Variants in RARB observed in about 807,000 individuals in gnomAD.
RARB encodes the protein HBV-activated protein.
Under a neutral mutation model 51.9 loss-of-function variants are expected in RARB, and 17 were observed. The observed-to-expected ratio is 0.33, with a 90% confidence interval of 0.22 to 0.49. RARB has a LOEUF of 0.49. Among genes scored for constraint, RARB ranks in the 20% least tolerant of loss-of-function variants. The pLI is 0.99. For synonymous variants in RARB, 215 were observed against 195.4 expected, an observed-to-expected ratio of 1.10 and a Z score of -0.84; for missense variants, 369 against 550.8, an observed-to-expected ratio of 0.67 and a Z score of 3.30.
intron 5 of RARB, among the ~76,000 whole-genome samples, chr3:25,381,519 C>T (rs992396227): frequency 2.0e-5 from 3 of 152,178 alleles, no homozygotes; most frequent in Non-Finnish European, 4.4e-5. Flanking sequence ...TATTTAAGCA[C>T]TTAGAACAGT....
intron 5 of RARB, among the ~76,000 whole-genome samples, chr3:25,360,515 T>G (rs1188887999): frequency 1.3e-5 from 2 of 152,218 alleles, no homozygotes; most frequent in Non-Finnish European, 2.9e-5. Context: ...GATCCTGTAA[T>G]TATGATGCCA....
At chr3:25,203,762 C>T (rs1003555854) in intron 5 of RARB, among the ~76,000 whole-genome samples, 5 of 152,300 alleles carry the variant, frequency 3.3e-5, no homozygotes, top group East Asian at 1.9e-4. Context: ...TATTGGCCCC[C>T]ACTCTCTTCT....
At chr3:25,541,392 T>G (rs1286384710) in intron 3 of RARB, among the ~76,000 whole-genome samples, 1 of 152,204 alleles carries the variant, frequency 6.6e-6, no homozygotes, top group Non-Finnish European at 1.5e-5. Flanking sequence ...ACCTTTACTC[T>G]CCTGTAATCA....
chr3:25,312,956 C>G (rs145081354), intron 5 of RARB, among the ~76,000 whole-genome samples: 3 of 152,332 alleles, frequency 2.0e-5, no homozygotes, highest in Admixed American at 6.5e-5. Flanking sequence ...CTGTATCACA[C>G]CCTGGATTCT....
At chr3:25,255,079 C>G (rs975887544) in intron 5 of RARB, among the ~76,000 whole-genome samples, 2 of 152,142 alleles carry the variant, frequency 1.3e-5, no homozygotes, top group African/African-American at 4.8e-5. Flanking sequence ...GGCTTACTGA[C>G]CAGTTTAAAT....
chr3:25,313,818 C>G (rs1295952099), intron 5 of RARB, among the ~76,000 whole-genome samples: 1 of 152,096 alleles, frequency 6.6e-6, no homozygotes, highest in Non-Finnish European at 1.5e-5. Context: ...ACCTCTAATT[C>G]TAGCACTTTG....
intron 5 of RARB, among the ~76,000 whole-genome samples, chr3:25,592,985 C>T (rs1288197579): frequency 6.6e-6 from 1 of 152,152 alleles, no homozygotes; most frequent in Non-Finnish European, 1.5e-5. Context: ...ACATTGGGCA[C>T]ATCACCTAAC....
intron 5 of RARB, among the ~76,000 whole-genome samples, chr3:25,198,379 C>G (rs1701299214): frequency 6.6e-6 from 1 of 151,774 alleles, no homozygotes; most frequent in African/African-American, 2.4e-5. Context: ...ATATCTTGAG[C>G]AATACCCTAC....
At chr3:25,244,968 G>A (rs1041548884) in intron 5 of RARB, among the ~76,000 whole-genome samples, 1 of 151,872 alleles carries the variant, frequency 6.6e-6, no homozygotes, top group South Asian at 2.1e-4. Flanking sequence ...CTAAGAACTT[G>A]CTTTATGAAT....
chr3:25,471,547 G>A (rs543595205), intron 2 of RARB, among the ~76,000 whole-genome samples: 5 of 149,444 alleles, frequency 3.3e-5, no homozygotes, highest in Admixed American at 1.3e-4. Flanking sequence ...TGGATAAACA[G>A]GAAGTTGGGG....
chr3:25,542,008 G>T (rs911121283), intron 3 of RARB, among the ~76,000 whole-genome samples: 1 of 152,082 alleles, frequency 6.6e-6, no homozygotes, highest in African/African-American at 2.4e-5. Context: ...AGAGAGAAAA[G>T]GAAAGAAGAA....
chr3:25,181,521 T>C (rs140638150), intron 5 of RARB, among the ~76,000 whole-genome samples: 1 of 152,264 alleles, frequency 6.6e-6, no homozygotes, highest in African/African-American at 2.4e-5. Context: ...AGAGATTTAG[T>C]GGGCAGAAGC....
Position 24,989,156 on chromosome 3 carries a change from A to G in RARB, c.-379-70969A>G, listed in dbSNP as rs1696859108. Among the ~76,000 whole-genome samples the G allele has an allele frequency of 2.0e-5, 3 of 152,154 alleles. No individual in the cohort carries two copies. In the East Asian group the frequency reaches 5.8e-4, roughly 29 times the overall value. ...ATTGTTTATTTTTATATAATTCTGCAGTGCTTTTCCTTGTACTTATTTCTT... is the reference window on the plus strand; with the variant it reads ...ATTGTTTATTTTTATATAATTCTGCGGTGCTTTTCCTTGTACTTATTTCTT... On this transcript the variant is annotated intron_variant, in intron 2 of 11. Transcript: ENST00000383772.
At chr3:25,437,966 C>A (rs949984748) in intron 1 of RARB, among the ~76,000 whole-genome samples, 2 of 152,204 alleles carry the variant, frequency 1.3e-5, no homozygotes, top group African/African-American at 4.8e-5. Context: ...CCAAAACTTC[C>A]TGGTCTAACA....
intron 3 of RARB, among the ~76,000 whole-genome samples, chr3:25,113,752 A>G (rs776448085): frequency 7.9e-5 from 12 of 152,110 alleles, no homozygotes; most frequent in Non-Finnish European, 1.3e-4. Context: ...AAAAGATGGT[A>G]GGTAGAAAGC....
intron 5 of RARB, among the ~76,000 whole-genome samples, chr3:25,312,509 TA>T (rs1704315105): frequency 6.6e-6 from 1 of 152,098 alleles, no homozygotes; most frequent in South Asian, 2.1e-4. Flanking sequence ...GCCTGGGAGT[TA>T]AAAGTGGGTT....
At chr3:24,971,215 A>G (rs1696390881) in intron 2 of RARB, among the ~76,000 whole-genome samples, 1 of 151,998 alleles carries the variant, frequency 6.6e-6, no homozygotes, top group South Asian at 2.1e-4. Flanking sequence ...TTAGTTTTCA[A>G]AACAAATCTA....
At chr3:24,951,934 C>G (rs1360466271) in intron 2 of RARB, among the ~76,000 whole-genome samples, 1 of 152,154 alleles carries the variant, frequency 6.6e-6, no homozygotes, top group African/African-American at 2.4e-5. Flanking sequence ...CACCCTTGCT[C>G]TAATTATAGG....
chr3:25,488,412 T>A (rs921395501), intron 2 of RARB, among the ~76,000 whole-genome samples: 1 of 152,192 alleles, frequency 6.6e-6, no homozygotes, highest in African/African-American at 2.4e-5. Flanking sequence ...TTGGATGAGT[T>A]CAAAATAAAC....
Sources: allele counts gnomAD v4.1 joint callset (sites outside exome capture counted in the v4.1 genomes callset), GRCh38; gene constraint gnomAD v4.1.1; transcripts MANE v1.5; gene names NCBI Gene and HGNC (gene_info 2026-07-23, HGNC 2026-07-21).